Variants in NFIA observed in about 807,000 individuals in gnomAD.
The protein encoded by NFIA is nuclear factor I A, also known as nuclear factor 1 A-type.
In NFIA, 8 loss-of-function variants were observed where a neutral mutation model predicts 62.8. The observed-to-expected ratio is 0.13, with a 90% CI of 0.07 to 0.23. NFIA has a LOEUF of 0.23. NFIA is among the 10% of genes least tolerant of loss of function. The probability of loss-of-function intolerance (pLI) is 1.00; values close to 1 mark genes in which losing one functional copy is unlikely to be tolerated. For synonymous variants in NFIA, 235 were observed against 238.1 expected, an observed-to-expected ratio of 0.99 and a Z score of 0.12; for missense variants, 410 against 642.1, an observed-to-expected ratio of 0.64 and a Z score of 3.91.
intron 2 of NFIA, among the ~76,000 whole-genome samples, chr1:61,195,184 A>T (rs768430569): frequency 2.3e-4 from 35 of 152,276 alleles, no homozygotes; most frequent in Admixed American, 2.6e-4. Context: ...TTCTTGGTGT[A>T]CATTTGTAAG....
At chr1:61,271,600 C>T (rs1452514120) in intron 2 of NFIA, among the ~76,000 whole-genome samples, 1 of 152,164 alleles carries the variant, frequency 6.6e-6, no homozygotes, top group Non-Finnish European at 1.5e-5. Context: ...GGAGCCCTTC[C>T]AAGTGGCTGC....
At chr1:61,170,274 G>T (rs944364645) in intron 2 of NFIA, among the ~76,000 whole-genome samples, 5 of 152,182 alleles carry the variant, frequency 3.3e-5, no homozygotes, top group Non-Finnish European at 5.9e-5. Flanking sequence ...CTCCCTGAAA[G>T]ATTTCTAAAA....
At chr1:61,385,107 A>G (rs1664610900) in intron 7 of NFIA, among the ~76,000 whole-genome samples, 1 of 152,088 alleles carries the variant, frequency 6.6e-6, no homozygotes, top group African/African-American at 2.4e-5. Context: ...GTGGTGGCAC[A>G]TGCCTGTAAA....
At position 61,082,712 on chromosome 1, in the gene NFIA, TTCTC is replaced by T; in HGVS notation, c.-79_-76del. The T allele has an allele frequency of 6.5e-7, 1 of 1,539,402 alleles. No individual in the cohort carries two copies. On this transcript the variant is annotated 5_prime_UTR_variant, in exon 1 of 11. Coordinates refer to ENST00000403491, the MANE Select transcript of NFIA (RefSeq NM_001134673.4). ...TCTCTCTCTCTTCCTCTCTCCCTCT[TTCTC>T]CTCTCTCACCCACACTCACGCACAC...
chr1:61,082,934 G>A, intron 1 of NFIA, 116 bp downstream of exon 1: 1 of 1,005,092 alleles, frequency 9.9e-7, no homozygotes, highest in South Asian at 2.3e-5. Context: ...GTGCGTCTCG[G>A]TGTGTGTCTG....
chr1:61,147,200 G>A (rs1408645285), intron 2 of NFIA, among the ~76,000 whole-genome samples: 2 of 151,860 alleles, frequency 1.3e-5, no homozygotes. Context: ...GCCCAGGCTG[G>A]CATCCATTGG....
chr1:61,414,379 A>G (rs1481196856), intron 9 of NFIA, among the ~76,000 whole-genome samples: 1 of 152,232 alleles, frequency 6.6e-6, no homozygotes, highest in African/African-American at 2.4e-5. Flanking sequence ...GAGAAAGACA[A>G]GGTATGGAAA....
At chr1:61,377,772 A>G (rs1664222099) in intron 6 of NFIA, among the ~76,000 whole-genome samples, 1 of 152,240 alleles carries the variant, frequency 6.6e-6, no homozygotes, top group South Asian at 2.1e-4. Context: ...AGACAAGATA[A>G]GGTCCTGCTG....
intron 10 of NFIA, among the ~76,000 whole-genome samples, chr1:61,445,094 C>T (rs1422776107): frequency 6.6e-6 from 1 of 152,204 alleles, no homozygotes; most frequent in Non-Finnish European, 1.5e-5. Context: ...ATAATCTTTG[C>T]TTGCGAGATC....
intron 7 of NFIA, among the ~76,000 whole-genome samples, chr1:61,400,356 A>C (rs1422057976): frequency 2.0e-5 from 3 of 152,216 alleles, no homozygotes; most frequent in South Asian, 4.1e-4. Context: ...CACTCGTTAA[A>C]GTTTAAACTA....
chr1:61,202,643 C>T (rs750269304), intron 2 of NFIA, among the ~76,000 whole-genome samples: 21 of 152,082 alleles, frequency 1.4e-4, no homozygotes, highest in South Asian at 4.1e-4. Context: ...AAAGTCTATG[C>T]GCAGTTGTTA....
At chr1:61,181,518 T>G (rs1220397194) in intron 2 of NFIA, among the ~76,000 whole-genome samples, 1 of 152,258 alleles carries the variant, frequency 6.6e-6, no homozygotes, top group Non-Finnish European at 1.5e-5. Flanking sequence ...TACTTTCATC[T>G]CCACTTTAGT....
intron 3 of NFIA, among the ~76,000 whole-genome samples, chr1:61,281,041 C>T (rs1010756851): frequency 5.9e-5 from 9 of 152,080 alleles, no homozygotes; most frequent in Admixed American, 3.3e-4. Flanking sequence ...GTCAGGAGTT[C>T]GAAACCAGCC....
At chr1:61,242,341 G>A (rs1001781552) in intron 2 of NFIA, among the ~76,000 whole-genome samples, 2 of 152,058 alleles carry the variant, frequency 1.3e-5, no homozygotes, top group African/African-American at 2.4e-5. Flanking sequence ...GGTTCATTGT[G>A]CTGGCTGCAT....
At chr1:61,184,392 A>G (rs1651006197) in intron 2 of NFIA, among the ~76,000 whole-genome samples, 1 of 152,242 alleles carries the variant, frequency 6.6e-6, no homozygotes, top group Admixed American at 6.5e-5. Context: ...TGCTACCTCC[A>G]CAGAGTACTT....
chr1:61,424,326 T>A (rs890715137), intron 9 of NFIA, among the ~76,000 whole-genome samples: 1 of 152,048 alleles, frequency 6.6e-6, no homozygotes, highest in Non-Finnish European at 1.5e-5. Context: ...TGAAGCTATC[T>A]TCACAAAAAA....
intron 2 of NFIA, among the ~76,000 whole-genome samples, chr1:61,129,006 T>A (rs112172823): frequency 7.7e-6 from 1 of 129,954 alleles, no homozygotes; most frequent in Non-Finnish European, 1.6e-5. Flanking sequence ...CACTGCAAGC[T>A]CCGCCTCCCA....
At position 61,253,781 on chromosome 1, in the gene NFIA, A is replaced by T. The variant is rs183478592; in HGVS notation, c.560-23739A>T. ...TAGAATGACCACGTCTAAATAAAAT[A>T]AACTCTTTTGCCTTTTGTTGTTACT... On this transcript the variant is annotated intron_variant, in intron 2 of 10. Coordinates refer to ENST00000403491, the MANE Select transcript of NFIA (RefSeq NM_001134673.4). Among the ~76,000 whole-genome samples, 131 of 152,316 alleles carry T rather than the reference A, an allele frequency of 8.6e-4. 1 individual carries two copies. The highest frequency in any genetic ancestry group is 2.7e-3 in the African/African-American group (113 of 41,574).
chr1:61,418,961 A>G (rs144011262), intron 9 of NFIA, among the ~76,000 whole-genome samples: 1 of 152,184 alleles, frequency 6.6e-6, no homozygotes, highest in African/African-American at 2.4e-5. Context: ...CCCTACCCAT[A>G]TACATGGTTG....
Sources: allele counts gnomAD v4.1 joint callset (sites outside exome capture counted in the v4.1 genomes callset), GRCh38; gene constraint gnomAD v4.1.1; transcripts MANE v1.5; gene names NCBI Gene and HGNC (gene_info 2026-07-23, HGNC 2026-07-21).